Variants in HTR1F observed in about 807,000 individuals in gnomAD.
HTR1F encodes the protein 5-hydroxytryptamine receptor 1F.
A neutral mutation model predicts 24.0 loss-of-function variants in HTR1F; 17 were observed. The observed-to-expected ratio is 0.71, with a 90% CI of 0.48 to 1.06. The LOEUF (loss-of-function observed/expected upper bound fraction) is 1.06. HTR1F is among the 50% of genes least tolerant of loss of function. The probability of loss-of-function intolerance (pLI) is 0.00; values close to 1 mark genes in which losing one functional copy is unlikely to be tolerated. For missense variants in HTR1F, 391 were observed against 427.8 expected (o/e 0.91, Z 0.76); for synonymous variants, 186 against 156.8 (o/e 1.19, Z -1.39).
At chr3:87,946,342 G>C (rs948131539) in intron 2 of HTR1F, among the ~76,000 whole-genome samples, 1 of 152,054 alleles carries the variant, frequency 6.6e-6, no homozygotes, top group Non-Finnish European at 1.5e-5. Flanking sequence ...TGAAAACAGA[G>C]CTCCCATACA....
chr3:87,906,741 C>G (rs1265935727), intron 2 of HTR1F, among the ~76,000 whole-genome samples: 2 of 151,628 alleles, frequency 1.3e-5, no homozygotes, highest in East Asian at 3.9e-4. Flanking sequence ...CATTCTTATG[C>G]CTTTGCATCC....
chr3:87,945,054 T>A (rs1186558632), intron 2 of HTR1F, among the ~76,000 whole-genome samples: 2 of 152,118 alleles, frequency 1.3e-5, no homozygotes, highest in African/African-American at 4.8e-5. Flanking sequence ...TATTTCTATC[T>A]TTTTCTCTCT....
At chr3:87,880,232 T>C (rs1705760500) in intron 2 of HTR1F, among the ~76,000 whole-genome samples, 1 of 152,192 alleles carries the variant, frequency 6.6e-6, no homozygotes, top group East Asian at 1.9e-4. Context: ...TAGGAAAGTC[T>C]CATATCTTAA....
chr3:87,838,953 C>T (rs1704739072), intron 2 of HTR1F, among the ~76,000 whole-genome samples: 1 of 151,022 alleles, frequency 6.6e-6, no homozygotes, highest in Non-Finnish European at 1.5e-5. Flanking sequence ...CAAATATTTT[C>T]TCCCAATCCA....
At chr3:87,952,444 G>A (rs1032539950) in intron 2 of HTR1F, among the ~76,000 whole-genome samples, 14 of 151,880 alleles carry the variant, frequency 9.2e-5, no homozygotes, top group African/African-American at 3.4e-4. Context: ...ATCTCTTTGA[G>A]CCTCACTTTT....
At chr3:87,971,754 A>G (rs1705290465) in intron 2 of HTR1F, among the ~76,000 whole-genome samples, 1 of 152,182 alleles carries the variant, frequency 6.6e-6, no homozygotes, top group Admixed American at 6.5e-5. Context: ...TTTTACATAA[A>G]TAGTAACCTG....
chr3:87,882,550 C>T (rs1401189653), intron 2 of HTR1F, among the ~76,000 whole-genome samples: 2 of 152,040 alleles, frequency 1.3e-5, no homozygotes, highest in Non-Finnish European at 2.9e-5. Context: ...AGTTCATGTC[C>T]TTTGTAGGGA....
intron 2 of HTR1F, among the ~76,000 whole-genome samples, chr3:87,982,539 A>G (rs986503320): frequency 2.0e-5 from 3 of 152,162 alleles, no homozygotes; most frequent in Non-Finnish European, 4.4e-5. Flanking sequence ...AAAGCAGGCT[A>G]AGAAGGCTAC....
At chr3:87,827,683 T>G (rs1704493575) in intron 2 of HTR1F, among the ~76,000 whole-genome samples, 1 of 152,184 alleles carries the variant, frequency 6.6e-6, no homozygotes, top group Non-Finnish European at 1.5e-5. Flanking sequence ...GAAGCAAAAT[T>G]TAACAACCTT....
intron 2 of HTR1F, among the ~76,000 whole-genome samples, chr3:87,869,398 TAGATA>T (rs1045806774): frequency 4.2e-5 from 4 of 94,706 alleles, no homozygotes; most frequent in Admixed American, 2.0e-4. Context: ...AACAGATAGA[TAGATA>T]GATAGATAGA....
chr3:87,807,119 A>T, intron 1 of HTR1F, among the ~76,000 whole-genome samples: 1 of 151,542 alleles, frequency 6.6e-6, no homozygotes, highest in Admixed American at 6.6e-5. Context: ...GGGCTCTTTT[A>T]GTTTCCACAC....
intron 2 of HTR1F, among the ~76,000 whole-genome samples, chr3:87,856,600 A>G (rs1705204406): frequency 6.6e-6 from 1 of 152,176 alleles, no homozygotes. Context: ...TGCACAAAAC[A>G]CAACTGCTTT....
chr3:87,839,853 C>T (rs1704762812), intron 2 of HTR1F, among the ~76,000 whole-genome samples: 1 of 152,064 alleles, frequency 6.6e-6, no homozygotes, highest in Non-Finnish European at 1.5e-5. Context: ...TGGAAACATG[C>T]AGTATTTGGT....
intron 2 of HTR1F, among the ~76,000 whole-genome samples, chr3:87,923,973 G>T (rs185177071): frequency 3.9e-5 from 6 of 152,046 alleles, no homozygotes; most frequent in African/African-American, 1.4e-4. Flanking sequence ...TTATGTCCTT[G>T]TCTAGTTTTG....
At chr3:87,900,975 A>G (rs894336409) in intron 2 of HTR1F, among the ~76,000 whole-genome samples, 1 of 152,198 alleles carries the variant, frequency 6.6e-6, no homozygotes, top group Non-Finnish European at 1.5e-5. Context: ...ATAGTAAGAA[A>G]TGCCATGATA....
chr3:87,958,542 T>C (rs1704994479), intron 2 of HTR1F, among the ~76,000 whole-genome samples: 1 of 151,558 alleles, frequency 6.6e-6, no homozygotes, highest in Non-Finnish European at 1.5e-5. Context: ...AAACAAACAC[T>C]CTTTGTTTAC....
At chr3:87,973,385 T>C (rs10865624) in intron 2 of HTR1F, among the ~76,000 whole-genome samples, 128,133 of 152,074 alleles carry the variant, frequency 0.84, 54,644 homozygotes, top group East Asian at 0.96. Flanking sequence ...ATTTCTTCTC[T>C]CAAAAATGCT....
At chr3:87,884,274 T>C (rs2938267) in intron 2 of HTR1F, among the ~76,000 whole-genome samples, 38,169 of 152,092 alleles carry the variant, frequency 0.25, 7,623 homozygotes, top group African/African-American at 0.56. Flanking sequence ...AATAAAATCC[T>C]TTACGGACAA....
intron 2 of HTR1F, among the ~76,000 whole-genome samples, chr3:87,913,061 CT>C (rs1703816340): frequency 6.6e-6 from 1 of 151,996 alleles, no homozygotes; most frequent in Non-Finnish European, 1.5e-5. Context: ...CTCAAAACAA[CT>C]GCAACAAAAG....
Sources: gnomAD v4.1 joint callset for allele counts (sites outside exome capture counted in the v4.1 genomes callset) on GRCh38, gnomAD v4.1.1 for gene constraint, MANE v1.5 for transcripts, NCBI Gene and HGNC (gene_info 2026-07-23, HGNC 2026-07-21) for gene names.